Variants in GALNTL6 observed in about 807,000 individuals in gnomAD.
GALNTL6 encodes polypeptide N-acetylgalactosaminyltransferase like 6.
GALNTL6 carries 46 observed loss-of-function variants against 73.7 expected under a neutral mutation model. The observed-to-expected ratio is 0.62, with a 90% CI of 0.49 to 0.80. The LOEUF (loss-of-function observed/expected upper bound fraction) is 0.80. GALNTL6 is among the 30% of genes least tolerant of loss of function. The pLI is 0.00. For missense variants in GALNTL6, 604 were observed against 755.0 expected, an observed-to-expected ratio of 0.80 and a Z score of 2.34; for synonymous variants, 259 against 263.7, an observed-to-expected ratio of 0.98 and a Z score of 0.17.
chr4:172,329,208 G>A (rs1741042408), intron 4 of GALNTL6, among the ~76,000 whole-genome samples: 1 of 152,218 alleles, frequency 6.6e-6, no homozygotes, highest in East Asian at 1.9e-4. Context: ...GGTGAGGGCT[G>A]CAAGACAGCA....
chr4:172,797,746 C>A (rs1021001615), intron 5 of GALNTL6, among the ~76,000 whole-genome samples: 3 of 151,908 alleles, frequency 2.0e-5, no homozygotes, highest in Admixed American at 2.0e-4. Context: ...GCCAAGTTGG[C>A]CAGGTAGATC....
chr4:172,012,291 A>G (rs1460364550), intron 2 of GALNTL6, among the ~76,000 whole-genome samples: 2 of 152,086 alleles, frequency 1.3e-5, no homozygotes, highest in African/African-American at 4.8e-5. Flanking sequence ...TCACATCCTG[A>G]GAGCTCCCTT....
At chr4:171,924,827 A>G (rs1048305585) in intron 2 of GALNTL6, among the ~76,000 whole-genome samples, 13 of 152,172 alleles carry the variant, frequency 8.5e-5, no homozygotes, top group Non-Finnish European at 1.5e-4. Context: ...ACTATAACAA[A>G]TTAGGTGGCT....
At chr4:172,404,709 G>A (rs535710018) in intron 5 of GALNTL6, among the ~76,000 whole-genome samples, 3 of 152,154 alleles carry the variant, frequency 2.0e-5, no homozygotes, top group South Asian at 2.1e-4. Context: ...ACAGGCCTGC[G>A]ATTGCCTGGG....
intron 2 of GALNTL6, among the ~76,000 whole-genome samples, chr4:171,887,155 C>T (rs1368591172): frequency 6.6e-6 from 1 of 152,144 alleles, no homozygotes; most frequent in Non-Finnish European, 1.5e-5. Context: ...AGAGAGCAAA[C>T]TCTCCAGATG....
At chr4:171,950,912 T>A (rs1038872873) in intron 2 of GALNTL6, among the ~76,000 whole-genome samples, 1 of 151,290 alleles carries the variant, frequency 6.6e-6, no homozygotes, top group Non-Finnish European at 1.5e-5. Flanking sequence ...ATAGAGAGAA[T>A]GAAATGTAAA....
At chr4:172,742,602 G>A (rs1239744319) in intron 5 of GALNTL6, among the ~76,000 whole-genome samples, 1 of 152,034 alleles carries the variant, frequency 6.6e-6, no homozygotes, top group Non-Finnish European at 1.5e-5. Context: ...GTAATGAGAA[G>A]GGCCGCTACC....
intron 2 of GALNTL6, among the ~76,000 whole-genome samples, chr4:171,860,024 C>A (rs186003700): frequency 6.6e-6 from 1 of 152,164 alleles, no homozygotes; most frequent in South Asian, 2.1e-4. Context: ...GAAGACAGAC[C>A]TTTCTTTGGA....
At chr4:172,823,367 G>T (rs1369019877) in intron 7 of GALNTL6, among the ~76,000 whole-genome samples, 1 of 152,088 alleles carries the variant, frequency 6.6e-6, no homozygotes, top group East Asian at 1.9e-4. Context: ...TTCAACATCA[G>T]TATTAGAATG....
At chr4:171,923,652 C>T (rs1011631092) in intron 2 of GALNTL6, among the ~76,000 whole-genome samples, 57 of 151,542 alleles carry the variant, frequency 3.8e-4, no homozygotes, top group African/African-American at 1.3e-3. Context: ...GTGATCCACC[C>T]GCCTTGGCCT....
At chr4:171,850,729 G>A (rs1466000427) in intron 2 of GALNTL6, among the ~76,000 whole-genome samples, 1 of 152,088 alleles carries the variant, frequency 6.6e-6, no homozygotes, top group Non-Finnish European at 1.5e-5. Flanking sequence ...AAACAAAGAG[G>A]GTATAATGAG....
chr4:172,284,126 A>G (rs1579331696), intron 3 of GALNTL6, among the ~76,000 whole-genome samples: 1 of 152,184 alleles, frequency 6.6e-6, no homozygotes, highest in Admixed American at 6.5e-5. Flanking sequence ...AAAAAGAAGC[A>G]GTCTAGGCAC....
chr4:171,893,386 A>G (rs574301964), intron 2 of GALNTL6, among the ~76,000 whole-genome samples: 1 of 152,224 alleles, frequency 6.6e-6, no homozygotes, highest in East Asian at 1.9e-4. Flanking sequence ...CATAGTGACT[A>G]TAAAACCTAG....
In GALNTL6 at chr4:171,886,591, C is replaced by T. The variant is rs1023653549; in HGVS notation, c.138+71873C>T. On this transcript the variant is annotated intron_variant, in intron 2 of 12. Coordinates refer to ENST00000506823, the MANE Select transcript of GALNTL6 (RefSeq NM_001034845.3). Reference sequence around the variant, plus strand: ...ATTTACAAAAGAGAGAGGTTTAATGCACTTCCAGTTCCACGTGGCTGTGGT... The same window carrying T: ...ATTTACAAAAGAGAGAGGTTTAATGTACTTCCAGTTCCACGTGGCTGTGGT... 2.0e-5 allele frequency among the ~76,000 whole-genome samples: 3 copies of T among 152,266 alleles called. No homozygotes were observed. The East Asian group carries it at 5.8e-4, about 29-fold the overall frequency.
At chr4:172,900,897 A>T (rs1746594056) in intron 8 of GALNTL6, among the ~76,000 whole-genome samples, 1 of 152,208 alleles carries the variant, frequency 6.6e-6, no homozygotes. Context: ...ATTCTAAATC[A>T]CAAAGGTGTT....
At chr4:172,937,762 A>T (rs1316531630) in intron 9 of GALNTL6, among the ~76,000 whole-genome samples, 1 of 152,188 alleles carries the variant, frequency 6.6e-6, no homozygotes, top group African/African-American at 2.4e-5. Context: ...TATCATGAGG[A>T]TGAGAAAAGG....
chr4:172,364,980 TG>T (rs1742503463), intron 5 of GALNTL6, among the ~76,000 whole-genome samples: 1 of 152,200 alleles, frequency 6.6e-6, no homozygotes, highest in Non-Finnish European at 1.5e-5. Context: ...TGCTTGTTTT[TG>T]TCACTGCTAT....
intron 8 of GALNTL6, among the ~76,000 whole-genome samples, chr4:172,927,099 C>T (rs1041620022): frequency 6.6e-6 from 1 of 152,166 alleles, no homozygotes; most frequent in Non-Finnish European, 1.5e-5. Flanking sequence ...CTGCTAGGGC[C>T]TCAGAATCCT....
chr4:172,222,724 T>C (rs1486164878), intron 2 of GALNTL6, among the ~76,000 whole-genome samples: 3 of 151,992 alleles, frequency 2.0e-5, no homozygotes, highest in African/African-American at 7.2e-5. Flanking sequence ...AAATGGTACA[T>C]GAAAAATCAT....
Sources: gnomAD v4.1 joint callset for allele counts (sites outside exome capture counted in the v4.1 genomes callset) on GRCh38, gnomAD v4.1.1 for gene constraint, MANE v1.5 for transcripts, NCBI Gene and HGNC (gene_info 2026-07-23, HGNC 2026-07-21) for gene names.